Variants in RAB20 observed in about 807,000 individuals in gnomAD.
RAB20 encodes ras-related protein Rab-20.
In RAB20, 2 loss-of-function variants were observed where a neutral mutation model predicts 3.7. The observed-to-expected ratio is 0.54, with a 90% confidence interval of 0.22 to 1.69. RAB20 has a LOEUF of 1.69. Ranked by LOEUF, RAB20 falls within the 40% of genes most tolerant of loss-of-function variation. The pLI is 0.19. For missense variants in RAB20, 276 were observed against 311.9 expected, an observed-to-expected ratio of 0.88 and a Z score of 0.87; for synonymous variants, 126 against 130.8, an observed-to-expected ratio of 0.96 and a Z score of 0.25.
Position 110,523,454 on chromosome 13 carries a change from TC to T in RAB20, c.*210del. 4 of 983,078 alleles carry T rather than the reference TC, an allele frequency of 4.1e-6. No individual in the cohort carries two copies. Among genetic ancestry groups the T allele is most frequent in the Non-Finnish European group, 5.8e-6 (4 of 690,128 alleles). The allele number at this position is 983,078 out of a possible 1,614,324, so 60.9% of individuals were successfully genotyped here. A position where few individuals can be genotyped will look rare whatever the true frequency, so the allele number is the denominator to read the frequency against. Reference sequence around the variant, plus strand: ...TTGGGCTTTGCAGAGGATTCCTGTTTCCCACCTCCCCACCCCTCTGACAGAG... The same window carrying T: ...TTGGGCTTTGCAGAGGATTCCTGTTTCCACCTCCCCACCCCTCTGACAGAG... On this transcript the variant is annotated 3_prime_UTR_variant, in exon 2 of 2. Coordinates refer to ENST00000267328, the MANE Select transcript of RAB20 (RefSeq NM_017817.3).
At chr13:110,524,303 AACAC>A (rs1884391270) in intron 1 of RAB20, 106 bp from the exon 2 acceptor site, 1 of 1,423,324 alleles carries the variant, frequency 7.0e-7, no homozygotes, top group South Asian at 1.5e-5. Flanking sequence ...TTTTTAGGGC[AACAC>A]ACACAGGATG....
At chr13:110,534,486 G>A (rs1377356666) in intron 1 of RAB20, among the ~76,000 whole-genome samples, 5 of 152,196 alleles carry the variant, frequency 3.3e-5, no homozygotes, top group Admixed American at 2.0e-4. Context: ...TGCCGACCAC[G>A]CCCCGACCCC....
At chr13:110,528,185 G>T (rs1383036102) in intron 1 of RAB20, among the ~76,000 whole-genome samples, 1 of 151,854 alleles carries the variant, frequency 6.6e-6, no homozygotes, top group African/African-American at 2.4e-5. Flanking sequence ...GGGACGCCGG[G>T]GTGGGCGGAT....
intron 1 of RAB20, among the ~76,000 whole-genome samples, chr13:110,551,277 G>A (rs1180420740): frequency 3.3e-5 from 5 of 152,162 alleles, no homozygotes; most frequent in Admixed American, 2.6e-4. Flanking sequence ...GTGGAAGGAG[G>A]AATTCTTCCC....
In RAB20 at chr13:110,561,549, G is replaced by A; in HGVS notation, c.-30C>T. 6.5e-7 allele frequency: 1 copy of A among 1,534,188 alleles called. No homozygotes were observed. Among genetic ancestry groups the A allele is most frequent in the East Asian group, 2.5e-5 (1 of 39,818 alleles). On this transcript the variant is annotated 5_prime_UTR_variant, in exon 1 of 2. Coordinates refer to ENST00000267328, the MANE Select transcript of RAB20 (RefSeq NM_017817.3). ...CCGTAAGAACCCCCAGCGCCCCCGC[G>A]CCCTCTCCCCGAGGCTGGCCGGCTC...
intron 1 of RAB20, among the ~76,000 whole-genome samples, chr13:110,557,948 C>T (rs752761178): frequency 6.6e-6 from 1 of 152,268 alleles, no homozygotes; most frequent in African/African-American, 2.4e-5. Context: ...TTCAGAGCAA[C>T]GATCAGATGT....
chr13:110,554,483 C>T (rs972079059), intron 1 of RAB20, among the ~76,000 whole-genome samples: 1 of 152,192 alleles, frequency 6.6e-6, no homozygotes, highest in Admixed American at 6.5e-5. Context: ...GCACCTTCAC[C>T]CACAAGCCAC....
Position 110,523,945 on chromosome 13 carries a change from G to A in RAB20, c.425C>T (p.Ser142Phe), listed in dbSNP as rs1257741690. 1.9e-6 allele frequency: 3 copies of A among 1,614,192 alleles called. No homozygotes were observed. The highest frequency in any genetic ancestry group is 1.6e-4 in the Middle Eastern group (1 of 6,062). The change falls in exon 2 of 2, where the codon TCC (serine) becomes TTC (phenylalanine). Residue 142 changes from serine (S) to phenylalanine (F), a missense_variant. Ser to Phe is a radical substitution (Grantham distance 155). Transcript: ENST00000267328. The part of the protein sequence containing the change: ...SPNMDAGDRV[S>F]PRAPKQVQLE... ...CTGCACCTGCTTAGGTGCCCTTGGG[G>A]AGACACGGTCCCCAGCGTCCATATT...
Position 110,555,654 on chromosome 13 carries a change from C to T in RAB20, c.172+5694G>A, listed in dbSNP as rs559345195. ...GCAGAGGACGCCACGGAAGCGCAAA[C>T]GTGAATCAGCCTGTGCCTTCTGCGG... On this transcript the variant is annotated intron_variant, in intron 1 of 1. Coordinates refer to ENST00000267328, the MANE Select transcript of RAB20 (RefSeq NM_017817.3). The surrounding 1 kb of genome is among the most constrained non-coding windows in gnomAD (Gnocchi z 4.0). Among the ~76,000 whole-genome samples the T allele has an allele frequency of 6.6e-5, 10 of 152,344 alleles. No individual in the cohort carries two copies. Among genetic ancestry groups the T allele is most frequent in the African/African-American group, 2.2e-4 (9 of 41,578 alleles).
intron 1 of RAB20, among the ~76,000 whole-genome samples, chr13:110,528,650 C>A (rs1021633049): frequency 8.5e-5 from 13 of 152,152 alleles, no homozygotes; most frequent in Non-Finnish European, 1.9e-4. Flanking sequence ...GTTTTCAAGT[C>A]TCTGTTACAT....
chr13:110,551,680 G>T (rs909899034), intron 1 of RAB20, among the ~76,000 whole-genome samples: 8 of 152,110 alleles, frequency 5.3e-5, no homozygotes, highest in African/African-American at 1.9e-4. Context: ...CAGCTGTTTA[G>T]GCGTGTGTGT....
At chr13:110,560,019 G>C (rs1025145547) in intron 1 of RAB20, among the ~76,000 whole-genome samples, 4 of 152,238 alleles carry the variant, frequency 2.6e-5, no homozygotes, top group Admixed American at 1.3e-4. Context: ...AAGCAGCAGA[G>C]GGGCAAAGCT....
rs539354373 is a variant in RAB20, at chr13:110,559,169, C to T, written c.172+2179G>A. Among the ~76,000 whole-genome samples the T allele has an allele frequency of 5.3e-5, 8 of 152,282 alleles. No homozygotes were observed. In the South Asian group the frequency reaches 1.5e-3, roughly 28 times the overall value. ...GGGTGTACACTGACCCCCATGCAATCGTTTTTACTATTAAACATCCTGTCG... is the reference window on the plus strand; with the variant it reads ...GGGTGTACACTGACCCCCATGCAATTGTTTTTACTATTAAACATCCTGTCG... On this transcript the variant is annotated intron_variant, in intron 1 of 1. Coordinates refer to ENST00000267328, the MANE Select transcript of RAB20 (RefSeq NM_017817.3).
intron 1 of RAB20, among the ~76,000 whole-genome samples, chr13:110,558,943 A>G (rs1594141486): frequency 7.1e-6 from 1 of 141,446 alleles, no homozygotes; most frequent in African/African-American, 2.6e-5. Context: ...TGATCCACCC[A>G]CCTCAGCCTC....
At chr13:110,533,163 C>CTG (rs758265752) in intron 1 of RAB20, among the ~76,000 whole-genome samples, 13 of 152,242 alleles carry the variant, frequency 8.5e-5, no homozygotes, top group Non-Finnish European at 1.5e-4. Flanking sequence ...CCTAGAGGAG[C>CTG]TGTGACACAC....
At chr13:110,540,073 C>T (rs560099230) in intron 1 of RAB20, among the ~76,000 whole-genome samples, 55 of 152,356 alleles carry the variant, frequency 3.6e-4, no homozygotes, top group African/African-American at 1.3e-3. Flanking sequence ...TCTCAAGTCA[C>T]ATCACTCTTC....
At chr13:110,528,321 C>G (rs186989262) in intron 1 of RAB20, among the ~76,000 whole-genome samples, 29 of 144,768 alleles carry the variant, frequency 2.0e-4, no homozygotes, top group Admixed American at 4.4e-4. Flanking sequence ...GAGGCTGAGG[C>G]AGGAGAACTG....
intron 1 of RAB20, among the ~76,000 whole-genome samples, chr13:110,527,563 C>T (rs528329452): frequency 3.9e-5 from 6 of 152,286 alleles, no homozygotes; most frequent in South Asian, 2.1e-4. Context: ...GTTGTTTGGG[C>T]GACAGAGCCA....
chr13:110,545,267 A>G (rs2139584781), intron 1 of RAB20, among the ~76,000 whole-genome samples: 1 of 152,362 alleles, frequency 6.6e-6, no homozygotes. Flanking sequence ...TGCAATTATT[A>G]TGCATTGCAT....
Sources: allele counts gnomAD v4.1 joint callset (sites outside exome capture counted in the v4.1 genomes callset), GRCh38; gene constraint gnomAD v4.1.1; non-coding constraint Gnocchi (gnomAD v3.1); transcripts MANE v1.5; gene names NCBI Gene and HGNC (gene_info 2026-07-23, HGNC 2026-07-21).